Variants in NUTF2 observed in about 807,000 individuals in gnomAD.
NUTF2 encodes the protein placental protein 15.
A neutral mutation model predicts 18.5 loss-of-function variants in NUTF2; 3 were observed. The observed-to-expected ratio is 0.16, with a 90% CI of 0.07 to 0.42. NUTF2 has a LOEUF of 0.42. NUTF2 is among the 10% of genes least tolerant of loss of function. NUTF2 has a pLI of 0.99. For synonymous variants in NUTF2, 51 were observed against 57.9 expected (o/e 0.88, Z 0.54); for missense variants, 44 against 160.7 (o/e 0.27, Z 3.93).
chr16:67,853,796 C>T (rs771014098), intron 1 of NUTF2, among the ~76,000 whole-genome samples: 2 of 151,962 alleles, frequency 1.3e-5, no homozygotes, highest in Non-Finnish European at 2.9e-5. Flanking sequence ...CAGATGTGAG[C>T]CACTGTGCCC....
At chr16:67,862,775 C>G (rs1055592614) in intron 1 of NUTF2, among the ~76,000 whole-genome samples, 2 of 152,130 alleles carry the variant, frequency 1.3e-5, no homozygotes, top group African/African-American at 4.8e-5. Flanking sequence ...GTCAAGGCTA[C>G]AGGGAGATGA....
chr16:67,868,306 G>T (rs776261497), intron 2 of NUTF2, 34 bp from the exon 3 acceptor site: 5 of 1,605,310 alleles, frequency 3.1e-6, no homozygotes, highest in Non-Finnish European at 4.3e-6. Flanking sequence ...GTACTCTGAG[G>T]CCCCAACCCT....
intron 1 of NUTF2, among the ~76,000 whole-genome samples, chr16:67,853,383 A>T: frequency 6.6e-6 from 1 of 151,984 alleles, no homozygotes. Flanking sequence ...TCTGAGACGG[A>T]GTCTCACTCT....
chr16:67,863,909 A>T (rs2057951085), intron 1 of NUTF2, among the ~76,000 whole-genome samples: 1 of 152,168 alleles, frequency 6.6e-6, no homozygotes, highest in Middle Eastern at 3.2e-3. Context: ...CCTTACAGCC[A>T]TGGTCTCTAG....
intron 2 of NUTF2, among the ~76,000 whole-genome samples, chr16:67,867,711 G>A (rs914089580): frequency 1.3e-5 from 2 of 152,138 alleles, no homozygotes; most frequent in South Asian, 4.2e-4. Flanking sequence ...TTTTGAGATG[G>A]AGTCTTGCTC....
At chr16:67,848,269 G>T (rs570456307) in intron 1 of NUTF2, among the ~76,000 whole-genome samples, 6 of 152,156 alleles carry the variant, frequency 3.9e-5, no homozygotes, top group South Asian at 2.1e-4. Flanking sequence ...TCTCTGAGCC[G>T]CAGTCTTTCC....
intron 1 of NUTF2, among the ~76,000 whole-genome samples, chr16:67,854,238 T>G (rs1375296173): frequency 6.6e-6 from 1 of 152,204 alleles, no homozygotes; most frequent in Non-Finnish European, 1.5e-5. Flanking sequence ...CGTGAGCCAC[T>G]GCTTGCCTGG....
chr16:67,870,533 G>C (rs1211399625), intron 4 of NUTF2: 1 of 432,366 alleles, frequency 2.3e-6, no homozygotes, highest in Non-Finnish European at 4.1e-6. Context: ...CTGCTCTTTT[G>C]CTGTAGCTAA....
intron 1 of NUTF2, among the ~76,000 whole-genome samples, chr16:67,850,185 C>T (rs992561536): frequency 1.3e-4 from 19 of 151,726 alleles, no homozygotes; most frequent in Admixed American, 9.8e-4. Flanking sequence ...CTCATTCCAA[C>T]CTCTAGAAGT....
At chr16:67,866,329 C>CA (rs1238818762) in intron 2 of NUTF2, among the ~76,000 whole-genome samples, 2 of 136,248 alleles carry the variant, frequency 1.5e-5, no homozygotes, top group Non-Finnish European at 1.5e-5. Context: ...TTTTTTGAGA[C>CA]AGAGTCTCAC....
intron 1 of NUTF2, chr16:67,855,900 T>TGGG (rs1256646247): frequency 1.8e-4 from 39 of 222,066 alleles, no homozygotes; most frequent in African/African-American, 8.9e-4. Flanking sequence ...GGGGGGGGGA[T>TGGG]GGGGGAAATG....
intron 4 of NUTF2, chr16:67,870,346 A>G (rs570384358): frequency 6.5e-6 from 1 of 154,462 alleles, no homozygotes; most frequent in African/African-American, 2.4e-5. Flanking sequence ...CTTTTTTTTC[A>G]TCTCAAATAC....
chr16:67,865,435 T>C (rs908666835), intron 2 of NUTF2, among the ~76,000 whole-genome samples: 1 of 152,044 alleles, frequency 6.6e-6, no homozygotes, highest in Admixed American at 6.6e-5. Context: ...TCCACAAGAG[T>C]GAGAATCCTG....
intron 1 of NUTF2, among the ~76,000 whole-genome samples, chr16:67,864,381 C>T (rs759107776): frequency 2.0e-5 from 3 of 151,982 alleles, no homozygotes; most frequent in African/African-American, 7.3e-5. Context: ...TGTTGGCAGG[C>T]GCCTGTAATC....
chr16:67,863,076 GTGGGAGC>G (rs747743900), intron 1 of NUTF2, among the ~76,000 whole-genome samples: 1 of 152,186 alleles, frequency 6.6e-6, no homozygotes, highest in Non-Finnish European at 1.5e-5. Context: ...AATGCCAGAG[GTGGGAGC>G]TGTGCTCTGC....
intron 1 of NUTF2, among the ~76,000 whole-genome samples, chr16:67,850,919 G>GC: frequency 6.6e-6 from 1 of 152,062 alleles, no homozygotes; most frequent in Middle Eastern, 3.4e-3. Context: ...TCCTGCCTCA[G>GC]CCACCCGAGT....
intron 2 of NUTF2, among the ~76,000 whole-genome samples, chr16:67,865,869 C>T (rs528616931): frequency 1.3e-5 from 2 of 152,130 alleles, no homozygotes; most frequent in Admixed American, 6.5e-5. Flanking sequence ...CAGGCGCCTG[C>T]CCCCATGGCC....
At chr16:67,865,719 C>CTTTTT (rs767485714) in intron 2 of NUTF2, among the ~76,000 whole-genome samples, 1 of 136,844 alleles carries the variant, frequency 7.3e-6, no homozygotes, top group Non-Finnish European at 1.6e-5. Context: ...GCTGGCTGCT[C>CTTTTT]TTTTTTTTTT....
intron 1 of NUTF2, among the ~76,000 whole-genome samples, chr16:67,859,241 G>T (rs1390567031): frequency 1.3e-5 from 2 of 151,466 alleles, no homozygotes; most frequent in Non-Finnish European, 2.9e-5. Context: ...GTGCAGTGGG[G>T]TGTTCTCAGC....
Sources: allele counts gnomAD v4.1 joint callset (sites outside exome capture counted in the v4.1 genomes callset), GRCh38; gene constraint gnomAD v4.1.1; transcripts MANE v1.5; gene names NCBI Gene and HGNC (gene_info 2026-07-23, HGNC 2026-07-21).